PROZ: variants seen among roughly 807,000 people sequenced by gnomAD.
The protein encoded by PROZ is protein Z, vitamin K dependent plasma glycoprotein, also known as vitamin K-dependent protein Z.
In PROZ, 46 loss-of-function variants were observed where a neutral mutation model predicts 34.9. The observed-to-expected ratio is 1.32, with a 90% CI of 1.04 to 1.69. PROZ has a LOEUF of 1.69. Ranked by LOEUF, PROZ falls within the 40% of genes most tolerant of loss-of-function variation. The pLI is 0.00. For missense variants in PROZ, 530 were observed against 520.4 expected, an observed-to-expected ratio of 1.02 and a Z score of -0.18; for synonymous variants, 195 against 208.5, an observed-to-expected ratio of 0.94 and a Z score of 0.56.
chr13:113,160,341 C>T (rs901614464), intron 2 of PROZ, among the ~76,000 whole-genome samples, 164 bp downstream of exon 2: 4 of 152,000 alleles, frequency 2.6e-5, no homozygotes, highest in South Asian at 2.1e-4. Flanking sequence ...TTTAGAGAAT[C>T]GACTTAATCC....
intron 2 of PROZ, 84 bp downstream of exon 2, chr13:113,160,261 G>C (rs535404047): frequency 2.0e-6 from 3 of 1,508,484 alleles, no homozygotes; most frequent in African/African-American, 2.8e-5. Context: ...CAGAGATTAA[G>C]CTTAATTAAT....
intron 6 of PROZ, 130 bp downstream of exon 6, chr13:113,165,250 G>T: frequency 1.2e-6 from 1 of 868,612 alleles, no homozygotes; most frequent in South Asian, 1.4e-5. Flanking sequence ...TGACTGCACT[G>T]ACCAACCTCT....
In PROZ at chr13:113,163,128, GC is replaced by G; in HGVS notation, c.373+10del. On this transcript the variant is annotated splice_region_variant and intron_variant, in intron 4 of 7. Coordinates refer to ENST00000375547, the MANE Select transcript of PROZ (RefSeq NM_003891.3). ...GGGCAGCAACTGCGAGCTGGGTGAG[GC>G]CCCGGCCGTCCCCTTCCCCCAAGGG... 6.5e-7 allele frequency: 1 copy of G among 1,547,138 alleles called. No homozygotes were observed. Among genetic ancestry groups the G allele is most frequent in the Non-Finnish European group, 8.7e-7 (1 of 1,143,122 alleles).
Position 113,169,469 on chromosome 13 carries a change from C to T in PROZ, c.574-944C>T, listed in dbSNP as rs544277758. Among the ~76,000 whole-genome samples, 11 of 152,216 alleles carry T rather than the reference C, an allele frequency of 7.2e-5. No individual in the cohort carries two copies. The South Asian group carries it at 8.3e-4, about 11-fold the overall frequency. ...GGGTCACATTTTCCTGTTTGTATGC[C>T]GTAATGGATTTCCAGACATGTGAAT... On this transcript the variant is annotated intron_variant, in intron 6 of 7. Coordinates refer to ENST00000375547, the MANE Select transcript of PROZ (RefSeq NM_003891.3).
intron 5 of PROZ, 26 bp downstream of exon 5, chr13:113,164,670 C>T (rs2036867376): frequency 6.2e-7 from 1 of 1,612,726 alleles, no homozygotes; most frequent in Non-Finnish European, 8.5e-7. Flanking sequence ...ACAGCGGCCT[C>T]CAGCTTCCAA....
rs754689550 is a variant in PROZ, at chr13:113,165,095, CG to C, written c.550del (p.Asp184IlefsTer9). 2 of 1,612,464 alleles carry C rather than the reference CG, an allele frequency of 1.2e-6. No individual in the cohort carries two copies. The highest frequency in any genetic ancestry group is 2.2e-5 in the South Asian group (2 of 91,060). ...CGVLTSEKRA[P>X]DLQDLPWQVK... Reference sequence around the variant, plus strand: ...GTGCTGACCTCTGAGAAGCGTGCACCGGATCTACAGGACCTCCCGTGGCAGG... The same window carrying C: ...GTGCTGACCTCTGAGAAGCGTGCACCGATCTACAGGACCTCCCGTGGCAGG... On this transcript the variant is annotated frameshift_variant, in exon 6 of 8. Coordinates refer to ENST00000375547, the MANE Select transcript of PROZ (RefSeq NM_003891.3). LOFTEE classifies it high-confidence loss of function.
chr13:113,161,559 G>A (rs1420035617), intron 3 of PROZ, among the ~76,000 whole-genome samples: 4 of 152,156 alleles, frequency 2.6e-5, no homozygotes, highest in African/African-American at 7.2e-5. Context: ...AGAAGGAAGC[G>A]GGAGAGGCAG....
chr13:113,165,983 T>C (rs1445931372), intron 6 of PROZ: 2 of 152,322 alleles, frequency 1.3e-5, no homozygotes, highest in African/African-American at 4.8e-5. Context: ...TATTCTTTTC[T>C]TGCTTTCTGT....
chr13:113,170,237 G>A (rs1161859749), intron 6 of PROZ, among the ~76,000 whole-genome samples, 176 bp from the exon 7 acceptor site: 6 of 129,722 alleles, frequency 4.6e-5, no homozygotes, highest in African/African-American at 1.2e-4. Context: ...TCAACAATTC[G>A]TTAACAATCC....
chr13:113,170,874 G>C (rs1277548408), intron 7 of PROZ, among the ~76,000 whole-genome samples: 2 of 151,684 alleles, frequency 1.3e-5, no homozygotes, highest in Non-Finnish European at 2.9e-5. Context: ...CAGCAGTTGA[G>C]ACCTCAGGCT....
chr13:113,163,310 G>A (rs534725204), intron 4 of PROZ, among the ~76,000 whole-genome samples, 188 bp downstream of exon 4: 3 of 152,132 alleles, frequency 2.0e-5, no homozygotes, highest in Non-Finnish European at 4.4e-5. Flanking sequence ...CCACGCCGGG[G>A]GCTGGCTGCA....
At position 113,160,066 on chromosome 13, in the gene PROZ, G is replaced by T. The variant is rs1376387857; in HGVS notation, c.123G>T (p.Ala41=). The T allele has an allele frequency of 1.2e-6, 2 of 1,614,026 alleles. No individual in the cohort carries two copies. The highest frequency in any genetic ancestry group is 2.7e-5 in the African/African-American group (2 of 74,918). ...ANDVLVRWKR[A]GSYLLEELFE... ...ACGTTCTGGTGAGGTGGAAGCGTGC[G>T]GGCTCCTATCTTCTGGAAGAACTCT... The change falls in exon 2 of 8, where the codon GCG becomes GCT. Residue 41 remains alanine (A), a synonymous_variant. Coordinates refer to ENST00000375547, the MANE Select transcript of PROZ (RefSeq NM_003891.3).
chr13:113,171,478 C>A lies in PROZ; in HGVS notation c.692-116C>A, dbSNP rs2037109538. 3 of 1,321,140 alleles carry A rather than the reference C, an allele frequency of 2.3e-6. No individual in the cohort carries two copies. The highest frequency in any genetic ancestry group is 1.9e-5 in the Admixed American group (1 of 51,512). 81.8% of individuals were successfully genotyped at this position (1,321,140 alleles called of 1,614,324 possible). The stretch of plus-strand genomic sequence containing the variant: ...TCCACACCACGGGGCGGTGAGCCTG[C>A]GGGTCCTCCAGGGCCGGTCTCTCCC... On this transcript the variant is annotated intron_variant, in intron 7 of 7. Transcript: ENST00000375547. The surrounding 1 kb of genome is among the most constrained non-coding windows in gnomAD (Gnocchi z 5.1).
chr13:113,164,873 G>A, intron 5 of PROZ, 180 bp from the exon 6 acceptor site: 12 of 930,982 alleles, frequency 1.3e-5, no homozygotes, highest in Non-Finnish European at 2.0e-5. Flanking sequence ...AGTGCTGTGA[G>A]GGGTGGTTTA....
intron 6 of PROZ, among the ~76,000 whole-genome samples, chr13:113,168,841 A>C (rs2037024454): frequency 6.6e-6 from 1 of 151,912 alleles, no homozygotes; most frequent in Non-Finnish European, 1.5e-5. Context: ...TGATCCTCCC[A>C]CCTCAGCGTC....
At chr13:113,166,478 C>CAGCTCTTACAA in intron 6 of PROZ, 1 of 152,066 alleles carries the variant, frequency 6.6e-6, no homozygotes, top group South Asian at 2.1e-4. Flanking sequence ...CAGTTTCACC[C>CAGCTCTTACAA]GACTCTTACA....
intron 2 of PROZ, 71 bp from the exon 3 acceptor site, chr13:113,160,871 CTTCAAG>C (rs2036746876): frequency 1.3e-5 from 17 of 1,305,032 alleles, no homozygotes; most frequent in Middle Eastern, 2.4e-4. Flanking sequence ...ATTTTCTTAC[CTTCAAG>C]TTCATCTACA....
At chr13:113,164,368 G>T in intron 4 of PROZ, 145 bp from the exon 5 acceptor site, 1 of 903,500 alleles carries the variant, frequency 1.1e-6, no homozygotes, top group South Asian at 1.5e-5. Flanking sequence ...TGAAGAGAAT[G>T]AGAACACATG....
At chr13:113,166,628 A>G (rs528475204) in intron 6 of PROZ, among the ~76,000 whole-genome samples, 8 of 152,350 alleles carry the variant, frequency 5.3e-5, no homozygotes, top group African/African-American at 1.7e-4. Flanking sequence ...GGAGTGATGG[A>G]AGGCGGGGAT....
Sources: gnomAD v4.1 joint callset for allele counts (sites outside exome capture counted in the v4.1 genomes callset) on GRCh38, gnomAD v4.1.1 for gene constraint, Gnocchi (gnomAD v3.1) non-coding constraint, MANE v1.5 for transcripts, NCBI Gene and HGNC (gene_info 2026-07-23, HGNC 2026-07-21) for gene names.